KIFAP3: variants seen among roughly 807,000 people sequenced by gnomAD.
The protein encoded by KIFAP3 is kinesin associated protein 3.
A neutral mutation model predicts 106.5 loss-of-function variants in KIFAP3; 68 were observed. The observed-to-expected ratio is 0.64, with a 90% CI of 0.53 to 0.78. KIFAP3 has a LOEUF of 0.78. Among genes scored for constraint, KIFAP3 ranks in the 30% least tolerant of loss-of-function variants. The pLI is 0.00. For synonymous variants in KIFAP3, 320 were observed against 311.5 expected (o/e 1.03, Z -0.29); for missense variants, 780 against 941.8 (o/e 0.83, Z 2.25).
chr1:170,062,189 A>G (rs903454710), intron 1 of KIFAP3, among the ~76,000 whole-genome samples: 18 of 151,424 alleles, frequency 1.2e-4, no homozygotes, highest in Non-Finnish European at 7.4e-5. Context: ...ATAAATAAAT[A>G]AAATAAAACC....
intron 1 of KIFAP3, among the ~76,000 whole-genome samples, chr1:170,073,072 A>G (rs1271053557): frequency 1.3e-5 from 2 of 151,812 alleles, no homozygotes; most frequent in Admixed American, 6.6e-5. Flanking sequence ...TGACACAAAT[A>G]TATTACATGA....
intron 19 of KIFAP3, among the ~76,000 whole-genome samples, chr1:169,928,103 C>CTTTT (rs59128071): frequency 6.7e-6 from 1 of 148,772 alleles, no homozygotes. Flanking sequence ...TATCTTTTCT[C>CTTTT]TTTTTTTTTT....
At chr1:169,926,854 T>C (rs1300180166) in intron 19 of KIFAP3, among the ~76,000 whole-genome samples, 1 of 152,160 alleles carries the variant, frequency 6.6e-6, no homozygotes, top group African/African-American at 2.4e-5. Context: ...AACCAGTCTT[T>C]GTGATCCATC....
At chr1:169,983,140 A>G in intron 13 of KIFAP3, 130 bp downstream of exon 13, 1 of 648,378 alleles carries the variant, frequency 1.5e-6, no homozygotes, top group South Asian at 2.1e-5. Flanking sequence ...CTAAACTAAC[A>G]AAGTTGATAA....
At chr1:170,010,464 C>T (rs1668186279) in intron 10 of KIFAP3, among the ~76,000 whole-genome samples, 1 of 151,912 alleles carries the variant, frequency 6.6e-6, no homozygotes, top group Non-Finnish European at 1.5e-5. Context: ...TATTGAATTA[C>T]AGTTTCCCTT....
At chr1:169,960,979 A>C in intron 18 of KIFAP3, 67 bp downstream of exon 18, 1 of 1,271,586 alleles carries the variant, frequency 7.9e-7, no homozygotes, top group Non-Finnish European at 1.1e-6. Context: ...GGAATGTGCA[A>C]GGCTGGCCGA....
intron 7 of KIFAP3, 64 bp from the exon 8 acceptor site, chr1:170,032,048 A>G: frequency 1.1e-6 from 1 of 878,304 alleles, no homozygotes; most frequent in Non-Finnish European, 1.9e-6. Context: ...GATAAATTCT[A>G]TGAACAATGG....
chr1:169,984,903 T>C (rs1249892283), intron 11 of KIFAP3, among the ~76,000 whole-genome samples: 1 of 151,866 alleles, frequency 6.6e-6, no homozygotes, highest in Admixed American at 6.6e-5. Flanking sequence ...GCATTAAATA[T>C]AAACTTCTAA....
At chr1:169,941,700 C>T (rs1459263840) in intron 19 of KIFAP3, among the ~76,000 whole-genome samples, 1 of 151,950 alleles carries the variant, frequency 6.6e-6, no homozygotes, top group Non-Finnish European at 1.5e-5. Context: ...AAGATGGCCC[C>T]CTGAGGGTGA....
At chr1:170,074,698 G>A (rs1011464366), upstream of KIFAP3, 2 of 1,407,002 alleles carry the variant, frequency 1.4e-6, no homozygotes, top group African/African-American at 2.9e-5. Context: ...AGTCGCCTAA[G>A]CCGGGCCGTC....
intron 19 of KIFAP3, among the ~76,000 whole-genome samples, chr1:169,947,005 A>G (rs762510949): frequency 1.1e-4 from 17 of 151,986 alleles, no homozygotes; most frequent in Non-Finnish European, 1.9e-4. Context: ...TGTTTTTACC[A>G]TCCCACAAGT....
intron 18 of KIFAP3, among the ~76,000 whole-genome samples, chr1:169,955,815 G>A (rs756909320): frequency 3.3e-5 from 5 of 152,008 alleles, no homozygotes; most frequent in Non-Finnish European, 5.9e-5. Flanking sequence ...ATTTAATCCA[G>A]TTTTTATGTC....
chr1:170,080,519 A>G (rs1389775642), intron 1 of KIFAP3, among the ~76,000 whole-genome samples: 2 of 152,168 alleles, frequency 1.3e-5, no homozygotes, highest in Non-Finnish European at 2.9e-5. Flanking sequence ...TTCATTAGTC[A>G]ATTCAATGTG....
intron 10 of KIFAP3, among the ~76,000 whole-genome samples, chr1:169,997,992 C>T (rs1165419810): frequency 1.3e-5 from 2 of 151,188 alleles, no homozygotes; most frequent in African/African-American, 4.9e-5. Context: ...TAATAAGAAC[C>T]CATCATCATT....
intron 1 of KIFAP3, among the ~76,000 whole-genome samples, chr1:170,057,291 T>C (rs1311469289): frequency 6.6e-6 from 1 of 152,108 alleles, no homozygotes; most frequent in Non-Finnish European, 1.5e-5. Context: ...TTGTCTCATA[T>C]CTTGCCTTTC....
chr1:170,081,188 T>A (rs1035814824), intron 1 of KIFAP3, among the ~76,000 whole-genome samples: 2 of 152,244 alleles, frequency 1.3e-5, no homozygotes, highest in African/African-American at 4.8e-5. Flanking sequence ...AGAGAACTAT[T>A]ACAAGTCAAC....
chr1:169,967,560 GCTA>G, intron 17 of KIFAP3, among the ~76,000 whole-genome samples: 1 of 151,794 alleles, frequency 6.6e-6, no homozygotes, highest in Non-Finnish European at 1.5e-5. Context: ...TTCTAGCTCT[GCTA>G]CTAACTGAAG....
At chr1:170,034,039 G>A (rs967711371) in intron 7 of KIFAP3, among the ~76,000 whole-genome samples, 1 of 151,740 alleles carries the variant, frequency 6.6e-6, no homozygotes, top group African/African-American at 2.4e-5. Flanking sequence ...AGCAGCAGTG[G>A]TGGGCCAGGC....
At chr1:169,975,622 G>GT (rs372166491) in intron 16 of KIFAP3, among the ~76,000 whole-genome samples, 2,121 of 150,588 alleles carry the variant, frequency 0.014, 50 homozygotes, top group African/African-American at 0.048. Context: ...TTTATTTTCA[G>GT]TTTTTTTTTA....
Sources: gnomAD v4.1 joint callset for allele counts (sites outside exome capture counted in the v4.1 genomes callset) on GRCh38, gnomAD v4.1.1 for gene constraint, MANE v1.5 for transcripts, NCBI Gene and HGNC (gene_info 2026-07-23, HGNC 2026-07-21) for gene names.